Variants in DDO observed in about 807,000 individuals in gnomAD.
DDO encodes the protein D-aspartate oxidase, DDO.
Under a neutral mutation model 16.8 loss-of-function variants are expected in DDO, and 16 were observed. The observed-to-expected ratio is 0.95, with a 90% confidence interval of 0.65 to 1.45. The LOEUF is 1.45. Among genes scored for constraint, DDO ranks in the 40% most tolerant of loss-of-function variants. DDO has a pLI of 0.00. For synonymous variants in DDO, 180 were observed against 167.2 expected, an observed-to-expected ratio of 1.08 and a Z score of -0.59; for missense variants, 429 against 420.3, an observed-to-expected ratio of 1.02 and a Z score of -0.18.
chr6:110,392,303 G>A lies in DDO; in HGVS notation c.*472C>T, dbSNP rs1039186492. 8.1e-6 allele frequency: 8 copies of A among 985,686 alleles called. No homozygotes were observed. The African/African-American group carries it at 1.0e-4, about 13-fold the overall frequency. 61.1% of individuals were successfully genotyped at this position (985,686 alleles called of 1,614,324 possible). ...TGTTTTCCATACATTATCTCCTCCT[G>A]TGGATTTATAAGCCAAATGATATCA... is the stretch of plus-strand genomic sequence containing the variant. On this transcript the variant is annotated 3_prime_UTR_variant, in exon 5 of 5. Coordinates refer to ENST00000368924, the MANE Select transcript of DDO (RefSeq NM_001372108.2).
chr6:110,410,342 C>G (rs765488082), intron 2 of DDO, among the ~76,000 whole-genome samples: 2 of 152,240 alleles, frequency 1.3e-5, no homozygotes, highest in Non-Finnish European at 2.9e-5. Context: ...TCTGAACACT[C>G]ACTCAGGCCT....
Position 110,392,455 on chromosome 6 carries a change from G to A in DDO, c.*320C>T. On this transcript the variant is annotated 3_prime_UTR_variant, in exon 5 of 5. Coordinates refer to ENST00000368924, the MANE Select transcript of DDO (RefSeq NM_001372108.2). The stretch of plus-strand genomic sequence containing the variant: ...GAGCTTTATGCCCTATGCCATTAAT[G>A]CTGGACTTCCTAAGTAAGCCTACAT... 9.4e-7 allele frequency: 1 copy of A among 1,061,722 alleles called. No homozygotes were observed. Among genetic ancestry groups the A allele is most frequent in the Non-Finnish European group, 1.1e-6 (1 of 880,960 alleles). The allele number at this position is 1,061,722 out of a possible 1,614,324, so 65.8% of individuals were successfully genotyped here.
chr6:110,414,794 T>C (rs149933153), intron 1 of DDO, among the ~76,000 whole-genome samples: 13 of 152,374 alleles, frequency 8.5e-5, no homozygotes, highest in African/African-American at 2.9e-4. Flanking sequence ...TGCCCTTCTC[T>C]GTCCAAAGCA....
intron 4 of DDO, among the ~76,000 whole-genome samples, chr6:110,403,211 A>G (rs1773538873): frequency 6.6e-6 from 1 of 151,726 alleles, no homozygotes; most frequent in African/African-American, 2.4e-5. Context: ...ACTTACCTAA[A>G]TTTTATTTTA....
rs780815602 is a variant in DDO, at chr6:110,415,525, C to T, written c.-63G>A. ...AAATCTCTGGCACCAAACCTTGTTT[C>T]CCAGTGCCTGGCTGGTCTCATGCCC... On this transcript the variant is annotated 5_prime_UTR_variant, in exon 1 of 5. Transcript: ENST00000368924. The T allele has an allele frequency of 3.7e-5, 60 of 1,614,088 alleles. No homozygotes were observed. The South Asian group carries it at 6.4e-4, about 17-fold the overall frequency.
chr6:110,399,984 C>T lies in DDO; in HGVS notation c.458+4790G>A, dbSNP rs114553215. 3.9e-3 allele frequency among the ~76,000 whole-genome samples: 591 copies of T among 152,288 alleles called. 3 individuals are homozygous for T. Among genetic ancestry groups the T allele is most frequent in the African/African-American group, 0.013 (561 of 41,584 alleles). ...TAACCGACCCACAGCCGGGAGGCGGCGTATTCCCAGGCACCGCCCCCTCCG... is the reference window on the plus strand; with the variant it reads ...TAACCGACCCACAGCCGGGAGGCGGTGTATTCCCAGGCACCGCCCCCTCCG... On this transcript the variant is annotated intron_variant, in intron 4 of 4. Transcript: ENST00000368924.
downstream of DDO, among the ~76,000 whole-genome samples, chr6:110,388,330 T>A (rs898369937): frequency 6.6e-6 from 1 of 152,138 alleles, no homozygotes; most frequent in Non-Finnish European, 1.5e-5. Context: ...ATAAAAAAAA[T>A]GCTACATTTA....
downstream of DDO, among the ~76,000 whole-genome samples, chr6:110,389,173 T>C (rs1773061434): frequency 2.0e-5 from 3 of 152,208 alleles, no homozygotes; most frequent in South Asian, 6.2e-4. Flanking sequence ...ACAAATTTGC[T>C]CTCTGCTTGA....
intron 4 of DDO, among the ~76,000 whole-genome samples, chr6:110,398,022 T>C (rs1269543483): frequency 6.6e-6 from 1 of 152,068 alleles, no homozygotes; most frequent in Non-Finnish European, 1.5e-5. Context: ...TGGTTGGAGG[T>C]ACAAGAAGCA....
downstream of DDO, among the ~76,000 whole-genome samples, chr6:110,391,421 C>T (rs1331001020): frequency 1.4e-5 from 2 of 147,220 alleles, no homozygotes; most frequent in Non-Finnish European, 3.0e-5. Context: ...GCGATCTCAG[C>T]TCACTGCAAC....
chr6:110,396,440 C>T (rs1773293617), intron 4 of DDO, among the ~76,000 whole-genome samples: 1 of 152,254 alleles, frequency 6.6e-6, no homozygotes, highest in Non-Finnish European at 1.5e-5. Flanking sequence ...TGAACCTGCA[C>T]TGCACTTCCT....
Position 110,397,317 on chromosome 6 carries a change from A to G in DDO, c.459-3975T>C, listed in dbSNP as rs116180218. On this transcript the variant is annotated intron_variant, in intron 4 of 4. Coordinates refer to ENST00000368924, the MANE Select transcript of DDO (RefSeq NM_001372108.2). ...TATCCTCCATACCTGTATATCACTT[A>G]TGTTTCATTAAGGATGATATTTCAA... Among the ~76,000 whole-genome samples, 581 of 152,318 alleles carry G rather than the reference A, an allele frequency of 3.8e-3. 4 individuals carry two copies. The highest frequency in any genetic ancestry group is 0.013 in the African/African-American group (520 of 41,556).
rs546121483 is a variant in DDO at position 110,405,863 on chromosome 6, A to C, written c.282-913T>G. Reference sequence around the variant, plus strand: ...AGGCTGCAGTGAACTGAATTGGACCATTGCGCTCCAGCCTAGACGAGTAAG... The same window carrying C: ...AGGCTGCAGTGAACTGAATTGGACCCTTGCGCTCCAGCCTAGACGAGTAAG... On this transcript the variant is annotated intron_variant, in intron 3 of 4. Transcript: ENST00000368924. Among the ~76,000 whole-genome samples, 5 of 152,134 alleles carry C rather than the reference A, an allele frequency of 3.3e-5. No homozygotes were observed. In the East Asian group the frequency reaches 9.7e-4, roughly 29 times the overall value.
At chr6:110,395,332 C>G (rs1481178622) in intron 4 of DDO, among the ~76,000 whole-genome samples, 2 of 152,066 alleles carry the variant, frequency 1.3e-5, no homozygotes, top group Admixed American at 6.5e-5. Context: ...TGGACTGGAA[C>G]AAAAACATTG....
At chr6:110,407,705 A>T (rs905249831) in intron 3 of DDO, among the ~76,000 whole-genome samples, 6 of 152,260 alleles carry the variant, frequency 3.9e-5, no homozygotes, top group African/African-American at 1.4e-4. Flanking sequence ...ATATTAAAAG[A>T]TGTCATGTTT....
chr6:110,408,443 C>G lies in DDO; in HGVS notation c.173-1G>C. 1 of 1,613,482 alleles carries G rather than the reference C, an allele frequency of 6.2e-7. No individual in the cohort carries two copies. The highest frequency in any genetic ancestry group is 8.5e-7 in the Non-Finnish European group (1 of 1,179,784). ...TGCTTCTGCGTGTGAATGGGTGTAT[C>G]TGTAATCATGGAGAAAAGCAAAGTG... On this transcript the variant is annotated splice_acceptor_variant, in intron 2 of 4. Transcript: ENST00000368924. LOFTEE classifies it high-confidence loss of function.
chr6:110,408,892 C>A (rs182206121), intron 2 of DDO, among the ~76,000 whole-genome samples: 1 of 152,332 alleles, frequency 6.6e-6, no homozygotes, highest in East Asian at 1.9e-4. Flanking sequence ...TAGTGGATGA[C>A]ATGGGCAGGT....
intron 2 of DDO, among the ~76,000 whole-genome samples, chr6:110,408,791 A>G (rs374759944): frequency 6.6e-6 from 1 of 152,190 alleles, no homozygotes; most frequent in Non-Finnish European, 1.5e-5. Flanking sequence ...ACCTGAGCAG[A>G]GCTTAGTTCA....
rs137933272 is a variant in DDO, at chr6:110,393,311, G to C, written c.490C>G (p.Arg164Gly). The C allele has an allele frequency of 6.2e-7, 1 of 1,607,438 alleles. No individual in the cohort carries two copies. Among genetic ancestry groups the C allele is most frequent in the African/African-American group, 1.3e-5 (1 of 74,944 alleles). The change falls in exon 5 of 5, where the codon CGG becomes GGG. Residue 164 changes from arginine to glycine, a missense_variant. Arg to Gly is a moderately radical substitution (Grantham distance 125). Coordinates refer to ENST00000368924, the MANE Select transcript of DDO (RefSeq NM_001372108.2). ...AGTTCCCACAGGTCTTCTATTCGCC[G>C]AGTGAGTGTCCAGCCTCCACTTCCC... Reference protein sequence around the residue: ...IKGSGGWTLTRRIEDLWELHP... With the variant: ...IKGSGGWTLTGRIEDLWELHP...
Sources: gnomAD v4.1 joint callset for allele counts (sites outside exome capture counted in the v4.1 genomes callset) on GRCh38, gnomAD v4.1.1 for gene constraint, MANE v1.5 for transcripts, NCBI Gene and HGNC (gene_info 2026-07-23, HGNC 2026-07-21) for gene names.